Variants in HLTF observed in about 807,000 individuals in gnomAD.
HLTF encodes the protein helicase like transcription factor.
A neutral mutation model predicts 129.4 loss-of-function variants in HLTF; 127 were observed. That is an observed-to-expected ratio of 0.98 (90% CI 0.85 to 1.14). HLTF has a LOEUF of 1.14. Among genes scored for constraint, HLTF ranks in the 50% most tolerant of loss-of-function variants. HLTF has a pLI of 0.00. For missense variants in HLTF, 1,139 were observed against 1,187.1 expected (o/e 0.96, Z 0.60); for synonymous variants, 332 against 388.8 (o/e 0.85, Z 1.72).
At position 149,066,833 on chromosome 3, in the gene HLTF, G is replaced by A. The variant is rs534710575; in HGVS notation, c.990+1407C>T. 7.2e-5 allele frequency among the ~76,000 whole-genome samples: 11 copies of A among 152,156 alleles called. No individual in the cohort carries two copies. In the East Asian group the frequency reaches 1.9e-3, roughly 27 times the overall value. On this transcript the variant is annotated intron_variant, in intron 8 of 24. Transcript: ENST00000310053. ...TAAAACATTAGGTTGCTCAGGGTGA[G>A]GAATTGAACCTGAGACTTCAACAGG...
intron 14 of HLTF, among the ~76,000 whole-genome samples, chr3:149,053,156 C>G (rs1044607164): frequency 6.6e-6 from 1 of 152,072 alleles, no homozygotes; most frequent in African/African-American, 2.4e-5. Flanking sequence ...GCCAGGAAGA[C>G]GGTATCTTGT....
At chr3:149,059,897 C>A in intron 12 of HLTF, 90 bp from the exon 13 acceptor site, 4 of 774,596 alleles carry the variant, frequency 5.2e-6, no homozygotes, top group Non-Finnish European at 6.4e-6. Flanking sequence ...AATAGAATAT[C>A]ATTTTCACCC....
intron 24 of HLTF, among the ~76,000 whole-genome samples, chr3:149,033,745 A>G (rs906665191): frequency 1.3e-5 from 2 of 152,144 alleles, no homozygotes; most frequent in Non-Finnish European, 2.9e-5. Context: ...ACAAATCATA[A>G]AACAAAAAAT....
At chr3:149,057,190 G>C (rs1195955788) in intron 13 of HLTF, among the ~76,000 whole-genome samples, 2 of 146,426 alleles carry the variant, frequency 1.4e-5, no homozygotes, top group African/African-American at 2.5e-5. Context: ...CACTTTGGAA[G>C]ACTGAGGCGG....
intron 23 of HLTF, among the ~76,000 whole-genome samples, chr3:149,035,589 G>A (rs907268887): frequency 9.4e-5 from 14 of 149,372 alleles, no homozygotes; most frequent in African/African-American, 2.7e-4. Flanking sequence ...ACCCCGGGAG[G>A]CGGAGCCTGC....
In HLTF at chr3:149,040,025, C is replaced by T; in HGVS notation, c.2502+6G>A. The T allele has an allele frequency of 6.2e-7, 1 of 1,607,506 alleles. No homozygotes were observed. Among genetic ancestry groups the T allele is most frequent in the South Asian group, 1.1e-5 (1 of 89,948 alleles). On this transcript the variant is annotated splice_donor_region_variant and intron_variant, in intron 21 of 24. Transcript: ENST00000310053. ...ATACTCAAATATTTGCACATGAGTA[C>T]TTTACCTTTGAACTGGATGTCCATT...
chr3:149,086,420 C>A lies in HLTF; in HGVS notation c.-84G>T. On this transcript the variant is annotated 5_prime_UTR_variant, in exon 1 of 25. Coordinates refer to ENST00000310053, the MANE Select transcript of HLTF (RefSeq NM_003071.4). Reference sequence around the variant, plus strand: ...CCTCGATACGCCTCCTTCCAGGCCCCGCAGCCCTGAAGCCGGGGACAAATT... The same window carrying A: ...CCTCGATACGCCTCCTTCCAGGCCCAGCAGCCCTGAAGCCGGGGACAAATT... 1 of 1,481,700 alleles carries A rather than the reference C, an allele frequency of 6.7e-7. No homozygotes were observed. 91.8% of individuals were successfully genotyped at this position (1,481,700 alleles called of 1,614,324 possible).
At position 149,039,676 on chromosome 3, in the gene HLTF, G is replaced by T. The variant is rs749377680; in HGVS notation, c.2520C>A (p.His840Gln). The T allele has an allele frequency of 3.1e-6, 5 of 1,587,774 alleles. No individual in the cohort carries two copies. In the African/African-American group the frequency reaches 6.8e-5, roughly 21 times the overall value. ...TSSSKINALM[H>Q]ALTDLRKKNP... is the part of the protein sequence containing the mutation. ...TCTTCTTTCTTAAGTCAGTCAATGC[G>T]TGCATTAGCGCATTAATCTGCAAAA... Residue 840 changes from histidine (H) to glutamine (Q), a missense_variant, in exon 22 of 25, where the codon CAC becomes CAA. Coordinates refer to ENST00000310053, the MANE Select transcript of HLTF (RefSeq NM_003071.4).
chr3:149,057,107 CAAAAAAAAAAAAAAAAAA>C (rs56809507), intron 13 of HLTF, among the ~76,000 whole-genome samples: 44 of 27,748 alleles, frequency 1.6e-3, no homozygotes, highest in South Asian at 5.1e-3. Context: ...GACTCCGTCT[CAAAAAAAAAAAAAAAAAA>C]AAAAAAAAAA....
At chr3:149,084,283 C>T (rs758971713) in intron 2 of HLTF, among the ~76,000 whole-genome samples, 8 of 152,166 alleles carry the variant, frequency 5.3e-5, no homozygotes, top group Non-Finnish European at 1.0e-4. Flanking sequence ...AAGGAATCTC[C>T]TGTCGAACAT....
At position 149,042,302 on chromosome 3, in the gene HLTF, A is replaced by T. The variant is rs1716199240; in HGVS notation, c.2073-12T>A. On this transcript the variant is annotated splice_polypyrimidine_tract_variant and intron_variant, in intron 18 of 24. Transcript: ENST00000310053. ...CTTCATTAAAATACCTAGAGATTAAAATGTCAAATATTATTAAGTCCGCTA... is the reference window on the plus strand; with the variant it reads ...CTTCATTAAAATACCTAGAGATTAATATGTCAAATATTATTAAGTCCGCTA... 1.3e-6 allele frequency: 2 copies of T among 1,597,744 alleles called. No homozygotes were observed. The highest frequency in any genetic ancestry group is 2.7e-5 in the African/African-American group (2 of 74,636).
rs1308534092 is a variant in HLTF, at chr3:149,040,109, A to G, written c.2424T>C (p.Asn808=). ...ATTCTTCTGGAGGACATTCTAATAA[A>G]TTATCTTCATGTATATCATTTCTGC... The part of the protein sequence containing the change: ...PLCRNDIHED[N]LLECPPEELA... The change falls in exon 21 of 25, where the codon AAT becomes AAC. Residue 808 remains asparagine (N), a synonymous_variant. Transcript: ENST00000310053. The G allele has an allele frequency of 6.2e-7, 1 of 1,610,082 alleles. No homozygotes were observed. The highest frequency in any genetic ancestry group is 2.2e-5 in the East Asian group (1 of 44,764).
chr3:149,084,683 A>T lies in HLTF; in HGVS notation c.227T>A (p.Val76Glu), dbSNP rs1182731556. The T allele has an allele frequency of 1.3e-6, 2 of 1,598,424 alleles. No homozygotes were observed. Among genetic ancestry groups the T allele is most frequent in the Non-Finnish European group, 1.7e-6 (2 of 1,166,016 alleles). Residue 76 changes from valine to glutamate, a missense_variant and splice_region_variant, in exon 2 of 25, where the codon GTA (valine) becomes GAA (glutamate). Physicochemically the swap from Val to Glu is moderately radical, Grantham distance 121. Coordinates refer to ENST00000310053, the MANE Select transcript of HLTF (RefSeq NM_003071.4). The stretch of plus-strand genomic sequence containing the variant: ...TTAATTATCTACTATTATACTCACT[A>T]CTCCCGTGTAATAGCGTAGTCCAAC... ...HVVGLRYYTG[V>E]VNNNEMVALQ...
intron 3 of HLTF, 58 bp downstream of exon 3, chr3:149,075,823 A>G (rs1576622416): frequency 8.3e-7 from 1 of 1,205,454 alleles, no homozygotes; most frequent in East Asian, 2.5e-5. Flanking sequence ...AAGCCCTAAC[A>G]AGTTCAAAGA....
intron 7 of HLTF, among the ~76,000 whole-genome samples, chr3:149,068,694 T>G (rs917328724): frequency 8.1e-4 from 124 of 152,364 alleles, no homozygotes; most frequent in African/African-American, 2.9e-3. Flanking sequence ...AAGTGATTAG[T>G]AATTCCAGTA....
intron 12 of HLTF, 135 bp downstream of exon 12, chr3:149,060,508 G>A: frequency 1.5e-6 from 1 of 664,482 alleles, no homozygotes; most frequent in South Asian, 2.2e-5. Flanking sequence ...TTAGCTCCAT[G>A]AAGAGTTCAA....
chr3:149,040,047 C>T lies in HLTF; in HGVS notation c.2486G>A (p.Trp829Ter), dbSNP rs767609362. The change falls in exon 21 of 25, where the codon TGG (tryptophan) becomes TAG (stop). Residue 829 changes from tryptophan (W) to a stop codon, truncating the protein, a stop_gained. Coordinates refer to ENST00000310053, the MANE Select transcript of HLTF (RefSeq NM_003071.4). LOFTEE classifies it high-confidence loss of function. ...RDSEKKSDME[W>*]TSSSKINALM... ...GTACTTTACCTTTGAACTGGATGTC[C>T]ATTCCATATCAGACTTTTTCTCACT... 1.9e-6 allele frequency: 3 copies of T among 1,610,632 alleles called. No homozygotes were observed. The highest frequency in any genetic ancestry group is 1.7e-5 in the Admixed American group (1 of 59,742).
chr3:149,067,377 A>G (rs532979524), intron 8 of HLTF, among the ~76,000 whole-genome samples: 11 of 152,310 alleles, frequency 7.2e-5, no homozygotes, highest in Non-Finnish European at 1.5e-4. Flanking sequence ...TTTTTTAACT[A>G]AAAAGAATCA....
intron 23 of HLTF, among the ~76,000 whole-genome samples, chr3:149,035,701 G>GTCT (rs1715546296): frequency 1.4e-5 from 2 of 147,424 alleles, no homozygotes; most frequent in Non-Finnish European, 3.0e-5. Context: ...TTAAGAGTCA[G>GTCT]TAAGTCCTAA....
Sources: gnomAD v4.1 joint callset for allele counts (sites outside exome capture counted in the v4.1 genomes callset) on GRCh38, gnomAD v4.1.1 for gene constraint, MANE v1.5 for transcripts, NCBI Gene and HGNC (gene_info 2026-07-23, HGNC 2026-07-21) for gene names.